The following AFF1 variants were observed in gnomAD, a reference collection of about 807,000 sequenced individuals.
AFF1 encodes the protein AF4/FMR2 family member 1.
Under a neutral mutation model 121.7 loss-of-function variants are expected in AFF1, and 48 were observed. The observed-to-expected ratio is 0.39, with a 90% CI of 0.31 to 0.50. AFF1 has a LOEUF of 0.50. Among genes scored for constraint, AFF1 ranks in the 20% least tolerant of loss-of-function variants. The pLI is 0.76. For missense variants in AFF1, 1,523 were observed against 1,511.7 expected (o/e 1.01, Z -0.12); for synonymous variants, 613 against 563.0 (o/e 1.09, Z -1.26).
chr4:87,064,970 T>A (rs1721189273), intron 4 of AFF1, among the ~76,000 whole-genome samples: 1 of 151,300 alleles, frequency 6.6e-6, no homozygotes, highest in African/African-American at 2.4e-5. Flanking sequence ...GCACAGGAAG[T>A]GTAGGCTGCA....
At position 86,960,288 on chromosome 4, in the gene AFF1, G is replaced by T. The variant is rs151240112; in HGVS notation, c.38+11717G>T. Among the ~76,000 whole-genome samples the T allele has an allele frequency of 2.5e-3, 387 of 152,238 alleles. 1 individual carries two copies. The highest frequency in any genetic ancestry group is 0.025 in the South Asian group (121 of 4,828). The stretch of plus-strand genomic sequence containing the variant: ...CTGGAAAAATGCTGTGCCTAGGACG[G>T]CCCAGCAGGTATCCTGCATGTGTTG... On this transcript the variant is annotated intron_variant, in intron 2 of 20. Coordinates refer to ENST00000395146, the MANE Select transcript of AFF1 (RefSeq NM_001166693.3).
chr4:87,128,255 A>G (rs1728485689), intron 16 of AFF1, among the ~76,000 whole-genome samples: 1 of 152,220 alleles, frequency 6.6e-6, no homozygotes, highest in Admixed American at 6.5e-5. Flanking sequence ...GATGAAGGTA[A>G]TGATTATACT....
intron 1 of AFF1, among the ~76,000 whole-genome samples, chr4:86,946,719 A>ATATC (rs1253070447): frequency 2.0e-5 from 3 of 152,086 alleles, no homozygotes; most frequent in Non-Finnish European, 4.4e-5. Flanking sequence ...CTTACAGCAG[A>ATATC]TGCTCAGGAT....
chr4:87,127,041 A>T lies in AFF1; in HGVS notation c.2827A>T (p.Thr943Ser). ...SSEHKGSSGDTANPFPVPSLP... is the reference protein window; with the variant it reads ...SSEHKGSSGDSANPFPVPSLP... Reference sequence around the variant, plus strand: ...TTTTTTGAAGGGTTCTTCCGGAGATACTGCAAATCCTTTTCCAGTGCCTTC... The same window carrying T: ...TTTTTTGAAGGGTTCTTCCGGAGATTCTGCAAATCCTTTTCCAGTGCCTTC... The change falls in exon 15 of 21, where the codon ACT (threonine) becomes TCT (serine). Residue 943 changes from threonine (T) to serine (S), a missense_variant. Coordinates refer to ENST00000395146, the MANE Select transcript of AFF1 (RefSeq NM_001166693.3). 6.2e-7 allele frequency: 1 copy of T among 1,613,776 alleles called. No homozygotes were observed. The highest frequency in any genetic ancestry group is 2.2e-5 in the East Asian group (1 of 44,862).
intron 4 of AFF1, among the ~76,000 whole-genome samples, chr4:87,056,087 A>G (rs1279139081): frequency 2.0e-5 from 3 of 146,492 alleles, no homozygotes; most frequent in African/African-American, 5.0e-5. Context: ...TTCTCTCTGC[A>G]TTTTTTTTTT....
intron 5 of AFF1, among the ~76,000 whole-genome samples, chr4:87,084,992 T>G (rs959669140): frequency 6.6e-6 from 1 of 152,236 alleles, no homozygotes; most frequent in African/African-American, 2.4e-5. Flanking sequence ...GATGAAATTT[T>G]AAAGGAATGA....
chr4:87,073,535 C>T (rs1722344499), intron 4 of AFF1, among the ~76,000 whole-genome samples: 1 of 151,940 alleles, frequency 6.6e-6, no homozygotes, highest in South Asian at 2.1e-4. Flanking sequence ...AATAACGATG[C>T]CAGGAGACAG....
intron 2 of AFF1, among the ~76,000 whole-genome samples, chr4:86,996,524 C>T (rs1446570467): frequency 1.3e-5 from 2 of 151,144 alleles, no homozygotes. Context: ...TGCTTGAAGG[C>T]AGCATGCTCG....
At chr4:87,127,225 A>T (rs1467077007) in intron 15 of AFF1, 108 bp downstream of exon 15, 17 of 959,958 alleles carry the variant, frequency 1.8e-5, no homozygotes, top group Non-Finnish European at 2.2e-5. Flanking sequence ...TAGTGGCATG[A>T]TCTTGGCTCA....
intron 8 of AFF1, among the ~76,000 whole-genome samples, chr4:87,100,020 T>C (rs1026343426): frequency 6.6e-6 from 1 of 152,142 alleles, no homozygotes; most frequent in Non-Finnish European, 1.5e-5. Context: ...TTTTAAGTGA[T>C]TACTTTGAAA....
At chr4:87,005,718 C>A (rs540802655) in intron 2 of AFF1, among the ~76,000 whole-genome samples, 1 of 152,142 alleles carries the variant, frequency 6.6e-6, no homozygotes, top group Non-Finnish European at 1.5e-5. Context: ...CAAAGAACAT[C>A]AAAAAGACCC....
At chr4:87,065,047 T>C (rs1341100035) in intron 4 of AFF1, among the ~76,000 whole-genome samples, 1 of 151,544 alleles carries the variant, frequency 6.6e-6, no homozygotes, top group Non-Finnish European at 1.5e-5. Context: ...AAAAATAATA[T>C]AGTGTGGGGA....
At chr4:87,072,816 G>T (rs1286502246) in intron 4 of AFF1, among the ~76,000 whole-genome samples, 1 of 152,206 alleles carries the variant, frequency 6.6e-6, no homozygotes, top group Non-Finnish European at 1.5e-5. Flanking sequence ...ACAGGCGTGA[G>T]CCAGTGTACC....
intron 2 of AFF1, among the ~76,000 whole-genome samples, chr4:87,025,488 CATT>C (rs1385816262): frequency 6.6e-6 from 1 of 152,168 alleles, no homozygotes; most frequent in East Asian, 1.9e-4. Flanking sequence ...TTCCGTCCTG[CATT>C]ATTGTGGTGG....
intron 12 of AFF1, among the ~76,000 whole-genome samples, chr4:87,119,440 G>A (rs565145081): frequency 7.2e-5 from 11 of 151,844 alleles, no homozygotes; most frequent in Admixed American, 1.3e-4. Context: ...GCACAGTAGC[G>A]CATGCCTGAG....
intron 2 of AFF1, among the ~76,000 whole-genome samples, chr4:86,962,145 CTTTTTTT>C (rs3035474): frequency 2.4e-5 from 3 of 122,580 alleles, no homozygotes; most frequent in East Asian, 2.3e-4. Flanking sequence ...GTTATTGTTT[CTTTTTTT>C]TTTTTTTTTT....
At chr4:86,989,268 A>T (rs888012938) in intron 2 of AFF1, among the ~76,000 whole-genome samples, 3 of 152,244 alleles carry the variant, frequency 2.0e-5, no homozygotes, top group African/African-American at 7.2e-5. Context: ...GAATGGGAGA[A>T]AATTTTTGCA....
intron 8 of AFF1, 65 bp from the exon 9 acceptor site, chr4:87,105,563 C>G (rs1252177914): frequency 2.4e-5 from 37 of 1,564,666 alleles, no homozygotes; most frequent in Non-Finnish European, 3.1e-5. Context: ...TTTCTATTTA[C>G]ATGCTAGAAA....
intron 8 of AFF1, among the ~76,000 whole-genome samples, chr4:87,096,399 T>TC (rs1278357746): frequency 6.7e-6 from 1 of 148,204 alleles, no homozygotes; most frequent in Non-Finnish European, 1.5e-5. Context: ...GCTTTTTTTT[T>TC]TTTTTTTTTT....
Sources: gnomAD v4.1 joint callset for allele counts (sites outside exome capture counted in the v4.1 genomes callset) on GRCh38, gnomAD v4.1.1 for gene constraint, MANE v1.5 for transcripts, NCBI Gene and HGNC (gene_info 2026-07-23, HGNC 2026-07-21) for gene names.